SYNE2: variants seen among roughly 807,000 people sequenced by gnomAD.
SYNE2 encodes nesprin-2.
In SYNE2, 431 loss-of-function variants were observed where a neutral mutation model predicts 856.3. The ratio of observed to expected loss-of-function variants is 0.50; its 90% CI spans 0.47 to 0.55. The LOEUF is 0.55. Ranked by LOEUF, SYNE2 falls within the 20% of genes least tolerant of loss-of-function variation. The pLI is 0.00. For missense variants in SYNE2, 8,129 were observed against 8,023.2 expected, an observed-to-expected ratio of 1.01 and a Z score of -0.50; for synonymous variants, 2,923 against 2,872.3, an observed-to-expected ratio of 1.02 and a Z score of -0.56.
At chr14:63,810,564 T>C (rs572705879) in intron 1 of SYNE2, among the ~76,000 whole-genome samples, 104 of 152,250 alleles carry the variant, frequency 6.8e-4, no homozygotes, top group Admixed American at 1.8e-3. Flanking sequence ...ATGAAGAAAC[T>C]GATGGGTTCA....
intron 1 of SYNE2, among the ~76,000 whole-genome samples, chr14:63,861,379 G>A (rs958689978): frequency 3.3e-5 from 5 of 151,750 alleles, no homozygotes; most frequent in African/African-American, 2.4e-5. Context: ...TCCTGACCTC[G>A]TGATCCGCCC....
At chr14:64,056,564 A>T (rs765327319) in intron 49 of SYNE2, among the ~76,000 whole-genome samples, 1 of 152,156 alleles carries the variant, frequency 6.6e-6, no homozygotes, top group African/African-American at 2.4e-5. Context: ...TAAAACTAAT[A>T]TCTTTGTACC....
intron 21 of SYNE2, among the ~76,000 whole-genome samples, chr14:63,992,878 C>T (rs1008126515): frequency 3.9e-5 from 6 of 152,132 alleles, no homozygotes; most frequent in Non-Finnish European, 7.3e-5. Flanking sequence ...TACCTGCAGC[C>T]GGTCCATAAA....
chr14:63,946,569 A>G (rs2096032499), intron 6 of SYNE2, among the ~76,000 whole-genome samples: 1 of 147,748 alleles, frequency 6.8e-6, no homozygotes, highest in Non-Finnish European at 1.5e-5. Flanking sequence ...TTCTACAAAG[A>G]ACTTTTGTCC....
chr14:63,852,472 C>T (rs1031327605), upstream of SYNE2, among the ~76,000 whole-genome samples: 2 of 152,160 alleles, frequency 1.3e-5, no homozygotes, highest in Admixed American at 6.5e-5. Context: ...CAGTTATCTG[C>T]ATTAACAAAC....
chr14:63,789,248 G>C (rs1887646038), intron 1 of SYNE2, among the ~76,000 whole-genome samples: 1 of 152,128 alleles, frequency 6.6e-6, no homozygotes, highest in Non-Finnish European at 1.5e-5. Context: ...TTTGCTCTCA[G>C]TGCCTGGTGA....
At chr14:64,096,560 G>A (rs1241359465) in intron 61 of SYNE2, among the ~76,000 whole-genome samples, 3 of 152,148 alleles carry the variant, frequency 2.0e-5, no homozygotes, top group Admixed American at 1.3e-4. Context: ...GAAGTTTAGT[G>A]TTTATTGAAA....
Position 63,976,596 on chromosome 14 carries a change from T to C in SYNE2, c.1162T>C (p.Leu388=). The change falls in exon 12 of 116, where the codon TTG becomes CTG. Residue 388 remains leucine, a synonymous_variant. Coordinates refer to ENST00000555002, the MANE Select transcript of SYNE2 (RefSeq NM_182914.3). The part of the protein sequence containing the change: ...NAWKIKLNYA[L]PPPLHQTEAW... ...ATGGAAAATAAAGCTAAATTATGCCTTGCCCCCACCCCTCCATCAAACTGA... is the reference window on the plus strand; with the variant it reads ...ATGGAAAATAAAGCTAAATTATGCCCTGCCCCCACCCCTCCATCAAACTGA... 1 of 1,611,756 alleles carries C rather than the reference T, an allele frequency of 6.2e-7. No individual in the cohort carries two copies. Among genetic ancestry groups the C allele is most frequent in the Non-Finnish European group, 8.5e-7 (1 of 1,179,144 alleles).
rs746721705 is a variant in SYNE2, at chr14:64,219,400, A to G, written c.19850A>G (p.Lys6617Arg). The change falls in exon 110 of 116, where the codon AAG (lysine) becomes AGG (arginine). Residue 6617 changes from lysine (K) to arginine (R), a missense_variant. Coordinates refer to ENST00000555002, the MANE Select transcript of SYNE2 (RefSeq NM_182914.3). ...ATCCAGGAAATAGAACTGAGAGTGA[A>G]GAGACTGCAGGTGAGTTAGAGGTGT... ...SDIQEIELRV[K>R]RLQEILKAFD... 3 of 1,614,110 alleles carry G rather than the reference A, an allele frequency of 1.9e-6. No homozygotes were observed. The highest frequency in any genetic ancestry group is 1.1e-5 in the South Asian group (1 of 91,078).
chr14:64,112,419 C>T (rs951962760), intron 65 of SYNE2, among the ~76,000 whole-genome samples: 5 of 152,144 alleles, frequency 3.3e-5, no homozygotes, highest in Admixed American at 1.3e-4. Context: ...CTAGAAGTAT[C>T]GATACTACTT....
intron 49 of SYNE2, among the ~76,000 whole-genome samples, chr14:64,060,701 G>A (rs2097310041): frequency 6.6e-6 from 1 of 151,992 alleles, no homozygotes; most frequent in Admixed American, 6.6e-5. Flanking sequence ...TCTGATTGTA[G>A]CACAGCACTA....
At chr14:63,842,507 C>A (rs957148572) in intron 1 of SYNE2, among the ~76,000 whole-genome samples, 1 of 150,610 alleles carries the variant, frequency 6.6e-6, no homozygotes, top group African/African-American at 2.4e-5. Flanking sequence ...GTTGCCCAGG[C>A]TGGAGCACAA....
At chr14:64,180,810 T>A (rs1310815809) in intron 96 of SYNE2, among the ~76,000 whole-genome samples, 1 of 152,202 alleles carries the variant, frequency 6.6e-6, no homozygotes, top group Non-Finnish European at 1.5e-5. Flanking sequence ...GGCTTATTCT[T>A]GTTATAATTT....
chr14:64,173,183 G>A (rs1005547173), intron 94 of SYNE2, among the ~76,000 whole-genome samples: 1 of 152,184 alleles, frequency 6.6e-6, no homozygotes, highest in African/African-American at 2.4e-5. Context: ...TCAGTTCAGC[G>A]TGTCAAAACA....
In SYNE2 at chr14:64,152,545, T is replaced by C. The variant is rs1190322976; in HGVS notation, c.15640-19T>C. The C allele has an allele frequency of 3.7e-6, 6 of 1,613,826 alleles. No homozygotes were observed. Among genetic ancestry groups the C allele is most frequent in the Non-Finnish European group, 5.1e-6 (6 of 1,179,844 alleles). ...TTGTAATATTGTGCATTGAAAACCT[T>C]TTCCTCTTACTCTTCCAGGATATAG... On this transcript the variant is annotated intron_variant, in intron 84 of 115. Transcript: ENST00000555002.
intron 2 of SYNE2, among the ~76,000 whole-genome samples, chr14:63,935,991 C>T (rs2095826061): frequency 6.6e-6 from 1 of 152,240 alleles, no homozygotes; most frequent in Non-Finnish European, 1.5e-5. Context: ...TCTCCTGCTT[C>T]AGCCTCCTGA....
At chr14:63,936,269 TG>T (rs2095832143) in intron 2 of SYNE2, among the ~76,000 whole-genome samples, 1 of 152,210 alleles carries the variant, frequency 6.6e-6, no homozygotes, top group East Asian at 1.9e-4. Flanking sequence ...AAAGCATCTT[TG>T]CCTGTGTTGT....
chr14:63,972,188 G>A (rs1253120884), intron 11 of SYNE2, among the ~76,000 whole-genome samples: 2 of 152,042 alleles, frequency 1.3e-5, no homozygotes. Context: ...GCTTTGAAAC[G>A]GACTCTTGTG....
At position 63,940,666 on chromosome 14, in the gene SYNE2, G is replaced by T. The variant is rs2153416100; in HGVS notation, c.132G>T (p.Gln44His). 6.2e-7 allele frequency: 1 copy of T among 1,614,108 alleles called. No homozygotes were observed. The highest frequency in any genetic ancestry group is 2.2e-5 in the East Asian group (1 of 44,864). ...KKAFTCWINSQLARHTSPSVI... is the reference protein window; with the variant it reads ...KKAFTCWINSHLARHTSPSVI... ...CCTTCACGTGCTGGATAAACTCACA[G>T]TTGGCCAGGGTAAGCAAATGAAGAC... Residue 44 changes from glutamine (Q) to histidine (H), a missense_variant, in exon 3 of 116, where the codon CAG becomes CAT. By Grantham distance (24) the Gln-to-His change is conservative. Transcript: ENST00000555002.
Sources: gnomAD v4.1 joint callset for allele counts (sites outside exome capture counted in the v4.1 genomes callset) on GRCh38, gnomAD v4.1.1 for gene constraint, MANE v1.5 for transcripts, NCBI Gene and HGNC (gene_info 2026-07-23, HGNC 2026-07-21) for gene names.